LRRC43: variants seen among roughly 807,000 people sequenced by gnomAD.
LRRC43 encodes the protein leucine-rich repeat-containing protein 43.
In LRRC43, 62 loss-of-function variants were observed where a neutral mutation model predicts 64.3. The observed-to-expected ratio is 0.96, with a 90% CI of 0.79 to 1.19. The LOEUF (loss-of-function observed/expected upper bound fraction) is 1.19. Ranked by LOEUF, LRRC43 falls within the 50% of genes most tolerant of loss-of-function variation. The pLI, the probability that LRRC43 is intolerant of heterozygous loss-of-function variation, is 0.00. For synonymous variants in LRRC43, 422 were observed against 382.3 expected (o/e 1.10, Z -1.21); for missense variants, 868 against 845.0 (o/e 1.03, Z -0.34).
At chr12:122,202,295 G>C (rs1953850838) in intron 11 of LRRC43, 1 of 151,772 alleles carries the variant, frequency 6.6e-6, no homozygotes. Context: ...CTTGCAATAT[G>C]TTGCTGTAAT....
chr12:122,192,144 T>G (rs73419768), intron 6 of LRRC43, among the ~76,000 whole-genome samples: 10,162 of 147,680 alleles, frequency 0.069, 1,051 homozygotes, highest in African/African-American at 0.24. Flanking sequence ...TATTTCTTTT[T>G]TGTGTGTGTG....
intron 4 of LRRC43, among the ~76,000 whole-genome samples, chr12:122,188,544 A>C (rs1457403006): frequency 1.4e-5 from 2 of 145,496 alleles, no homozygotes; most frequent in African/African-American, 2.6e-5. Flanking sequence ...AGGGTCAAGC[A>C]ATTCTCCTGC....
chr12:122,174,514 G>C (rs1953519847), intron 1 of LRRC43, among the ~76,000 whole-genome samples: 2 of 152,170 alleles, frequency 1.3e-5, no homozygotes, highest in Admixed American at 1.3e-4. Context: ...TGAAGCCCAG[G>C]GTTGACAGAC....
In LRRC43 at chr12:122,191,549, C is replaced by T. The variant is rs760799358; in HGVS notation, c.1071C>T (p.Ser357=). The change falls in exon 6 of 12, where the codon TCC becomes TCT. Residue 357 remains serine, a synonymous_variant. Transcript: ENST00000339777. The part of the protein sequence containing the change: ...VKDEEGEMNE[S]AGVLAEIVKP... ...ATGAAGAAGGCGAAATGAATGAGTC[C>T]GCGGGCGTCCTGGCCGAGGTGTGCC... 19 of 1,613,788 alleles carry T rather than the reference C, an allele frequency of 1.2e-5. No homozygotes were observed. The highest frequency in any genetic ancestry group is 1.4e-5 in the Non-Finnish European group (16 of 1,179,928).
intron 4 of LRRC43, 75 bp downstream of exon 4, chr12:122,187,915 T>C (rs1953665987): frequency 1.3e-6 from 2 of 1,497,528 alleles, no homozygotes; most frequent in African/African-American, 2.8e-5. Flanking sequence ...CCCCAGTGGC[T>C]TGAGAACTCA....
Position 122,203,326 on chromosome 12 carries a change from G to C in LRRC43, c.1855G>C (p.Ala619Pro). The change falls in exon 12 of 12, where the codon GCC becomes CCC. Residue 619 changes from alanine to proline, a missense_variant. Transcript: ENST00000339777. Reference sequence around the variant, plus strand: ...TTAAATTTTCTCAGAAAAGCCGAAAGCCGTGATTCCGATCTACGAAGGCGA... The same window carrying C: ...TTAAATTTTCTCAGAAAAGCCGAAACCCGTGATTCCGATCTACGAAGGCGA... ...KKVAKKEKPK[A>P]VIPIYEGDYH... 1 of 1,612,588 alleles carries C rather than the reference G, an allele frequency of 6.2e-7. No homozygotes were observed. The highest frequency in any genetic ancestry group is 8.5e-7 in the Non-Finnish European group (1 of 1,179,882).
rs1050533234 is a variant in LRRC43 at position 122,191,938 on chromosome 12, C to T, written c.1089+371C>T. 4.6e-5 allele frequency among the ~76,000 whole-genome samples: 7 copies of T among 151,990 alleles called. No homozygotes were observed. The East Asian group carries it at 7.7e-4, about 17-fold the overall frequency. ...CTGGGATTACAGGTGTGAGCCACCGCGCTGGCCAAGAAAGATTCTTAATGT... is the reference window on the plus strand; with the variant it reads ...CTGGGATTACAGGTGTGAGCCACCGTGCTGGCCAAGAAAGATTCTTAATGT... On this transcript the variant is annotated intron_variant, in intron 6 of 11. Coordinates refer to ENST00000339777, the MANE Select transcript of LRRC43 (RefSeq NM_001098519.2).
chr12:122,180,931 G>A (rs1210273597), upstream of LRRC43, among the ~76,000 whole-genome samples: 2 of 151,972 alleles, frequency 1.3e-5, no homozygotes, highest in Non-Finnish European at 2.9e-5. Flanking sequence ...TTTATTCTTT[G>A]AGAGCCAGGC....
At chr12:122,192,656 G>T in intron 6 of LRRC43, 89 bp from the exon 7 acceptor site, 1 of 1,465,118 alleles carries the variant, frequency 6.8e-7, no homozygotes, top group Non-Finnish European at 9.4e-7. Flanking sequence ...TCATCCAGAT[G>T]TCGGGAGCTG....
chr12:122,185,752 G>A (rs12371561), intron 2 of LRRC43, among the ~76,000 whole-genome samples: 39,464 of 152,108 alleles, frequency 0.26, 5,825 homozygotes, highest in Non-Finnish European at 0.32. Context: ...GCCCCGCTGG[G>A]AAGGGCCCTG....
chr12:122,168,136 T>C lies in LRRC43; in HGVS notation c.-406+354T>C, dbSNP rs561614199. Among the ~76,000 whole-genome samples, 175 of 142,996 alleles carry C rather than the reference T, an allele frequency of 1.2e-3. 1 individual carries two copies. Among genetic ancestry groups the C allele is most frequent in the African/African-American group, 4.3e-3 (168 of 39,008 alleles). 93.8% of individuals were successfully genotyped at this position (142,996 alleles called of 152,430 possible). On this transcript the variant is annotated intron_variant, in intron 1 of 5. Transcript: ENST00000537729. ...GGCAAAAAAAAATGTTTTAAGTAAT[T>C]AAAAAAAAAATAGAAGTGGGAAGGC...
intron 3 of LRRC43, 155 bp from the exon 4 acceptor site, chr12:122,187,546 T>C: frequency 5.1e-6 from 3 of 587,992 alleles, no homozygotes; most frequent in Non-Finnish European, 8.8e-6. Context: ...CTTTTCTTCC[T>C]GGGTTTTTAA....
At chr12:122,171,649 C>A (rs1468894499) in intron 1 of LRRC43, among the ~76,000 whole-genome samples, 1 of 152,110 alleles carries the variant, frequency 6.6e-6, no homozygotes, top group African/African-American at 2.4e-5. Context: ...ATCTGTGTTA[C>A]AACCCTATGA....
At chr12:122,203,129 C>T (rs1055232711) in intron 11 of LRRC43, among the ~76,000 whole-genome samples, 186 bp from the exon 12 acceptor site, 1 of 152,098 alleles carries the variant, frequency 6.6e-6, no homozygotes, top group Non-Finnish European at 1.5e-5. Flanking sequence ...CAAACAGCTG[C>T]GATTTATTAA....
Position 122,183,209 on chromosome 12 carries a change from C to G in LRRC43, c.65C>G (p.Pro22Arg). The change falls in exon 1 of 12, where the codon CCC becomes CGC. Residue 22 changes from proline to arginine, a missense_variant. By Grantham distance (103) the Pro-to-Arg change is moderately radical (BLOSUM62 -2). Coordinates refer to ENST00000339777, the MANE Select transcript of LRRC43 (RefSeq NM_001098519.2). ...GAGGCCGGGCCTGGGACTCAGCGGC[C>G]CGGGACCGGGACCGTGAGCGCGGCC... ...ESEAGPGTQR[P>R]GTGTVSAAVR... 6 of 1,560,948 alleles carry G rather than the reference C, an allele frequency of 3.8e-6. No individual in the cohort carries two copies. The highest frequency in any genetic ancestry group is 5.2e-6 in the Non-Finnish European group (6 of 1,162,512).
chr12:122,169,716 A>AG, intron 1 of LRRC43, among the ~76,000 whole-genome samples: 2 of 83,610 alleles, frequency 2.4e-5, no homozygotes, highest in Non-Finnish European at 2.2e-5. Context: ...ACTCCGTCTC[A>AG]AAAAAAAAAA....
intron 1 of LRRC43, chr12:122,173,966 A>T: frequency 6.2e-7 from 1 of 1,614,054 alleles, no homozygotes; most frequent in East Asian, 2.2e-5. Context: ...AGGCAGCAGA[A>T]CAGAAAGAGC....
intron 5 of LRRC43, among the ~76,000 whole-genome samples, chr12:122,190,670 C>T (rs1953708151): frequency 6.6e-6 from 1 of 152,164 alleles, no homozygotes; most frequent in African/African-American, 2.4e-5. Flanking sequence ...TGAGACCAGC[C>T]TGGCCAACAT....
intron 5 of LRRC43, among the ~76,000 whole-genome samples, chr12:122,190,573 T>C (rs1166161388): frequency 6.6e-6 from 1 of 152,042 alleles, no homozygotes; most frequent in Non-Finnish European, 1.5e-5. Context: ...ACAGAAGTGA[T>C]AGGGGGAGGC....
Sources: allele counts gnomAD v4.1 joint callset (sites outside exome capture counted in the v4.1 genomes callset), GRCh38; gene constraint gnomAD v4.1.1; transcripts MANE v1.5; gene names NCBI Gene and HGNC (gene_info 2026-07-23, HGNC 2026-07-21).